ZNF185: variants seen among roughly 807,000 people sequenced by gnomAD.
ZNF185 encodes the protein zinc finger protein 185.
ZNF185 carries 56 observed loss-of-function variants against 58.6 expected under a neutral mutation model. That is an observed-to-expected ratio of 0.95 (90% confidence interval 0.77 to 1.19). The LOEUF (loss-of-function observed/expected upper bound fraction) is 1.19. Ranked by LOEUF, ZNF185 falls within the 50% of genes most tolerant of loss-of-function variation. The pLI is 0.00. For synonymous variants in ZNF185, 230 were observed against 215.9 expected (o/e 1.07, Z -0.57); for missense variants, 627 against 573.5 (o/e 1.09, Z -0.95).
chrX:152,900,226 C>G, the ZNF185 span, among the ~76,000 whole-genome samples: 1 of 112,347 alleles, frequency 8.9e-6, no homozygotes, highest in South Asian at 3.7e-4. Flanking sequence ...CAGGACCTGG[C>G]CACGATAGGC....
In ZNF185 at chrX:152,924,369, C is replaced by T. The variant is rs782109674; in HGVS notation, c.830+1560C>T. Among the ~76,000 whole-genome samples, 10 of 111,332 alleles carry T rather than the reference C, an allele frequency of 9.0e-5. 1 individual carries two copies. The South Asian group carries it at 3.8e-3, about 43-fold the overall frequency. Reference sequence around the variant, plus strand: ...CTCTAGGACTCAAATGATCCTCCTGCCTTAGCCTCCCAAAGTGCTGGGATT... The same window carrying T: ...CTCTAGGACTCAAATGATCCTCCTGTCTTAGCCTCCCAAAGTGCTGGGATT... On this transcript the variant is annotated intron_variant, in intron 11 of 22. Transcript: ENST00000449285.
At chrX:152,911,281 G>A (rs1258889318), upstream of ZNF185, among the ~76,000 whole-genome samples, 4 of 112,087 alleles carry the variant, frequency 3.6e-5, no homozygotes, top group Non-Finnish European at 7.5e-5. Flanking sequence ...ACTTGGCAGG[G>A]CTACCTTCCA....
At chrX:152,959,799 G>C in exon 17 of ZNF185, 2 of 1,211,934 alleles carry the variant, frequency 1.7e-6, no homozygotes, top group South Asian at 1.8e-5. Flanking sequence ...AGACCCAGCT[G>C]TACCCACTCA....
intron 21 of ZNF185, 148 bp from the exon 24 acceptor site, chrX:152,970,295 T>G (rs1416460403): frequency 1.5e-5 from 7 of 453,027 alleles, no homozygotes; most frequent in South Asian, 1.1e-4. Flanking sequence ...TTTGTATTAT[T>G]TTGTGATGTT....
intron 15 of ZNF185, among the ~76,000 whole-genome samples, chrX:152,938,381 C>T (rs1244251697): frequency 1.8e-5 from 2 of 112,433 alleles, no homozygotes; most frequent in African/African-American, 3.2e-5. Context: ...ACATCATAGT[C>T]AGAAAGGGTC....
the ZNF185 span, among the ~76,000 whole-genome samples, chrX:152,900,783 T>A: frequency 8.9e-6 from 1 of 112,188 alleles, no homozygotes; most frequent in African/African-American, 3.2e-5. Flanking sequence ...CTTCATAGCC[T>A]AGTGGTTAAG....
upstream of ZNF185, among the ~76,000 whole-genome samples, chrX:152,912,986 G>T (rs1556862744): frequency 8.9e-6 from 1 of 112,986 alleles, no homozygotes; most frequent in African/African-American, 3.2e-5. Flanking sequence ...CACACAGCAG[G>T]CTCGGGCTGT....
chrX:152,938,041 G>C, intron 14 of ZNF185, 33 bp from the exon 17 acceptor site: 1 of 1,158,577 alleles, frequency 8.6e-7, no homozygotes, highest in Non-Finnish European at 1.2e-6. Context: ...TCTTTGGTCT[G>C]AGATCTCAGC....
chrX:152,969,627 G>A (rs2050476565), intron 21 of ZNF185, 143 bp downstream of exon 23: 6 of 480,227 alleles, frequency 1.2e-5, no homozygotes, highest in East Asian at 3.7e-5. Flanking sequence ...GCACATAGTC[G>A]CAGAGGCTTT....
chrX:152,909,204 C>G, the ZNF185 span, among the ~76,000 whole-genome samples: 1 of 112,585 alleles, frequency 8.9e-6, no homozygotes, highest in South Asian at 3.6e-4. Flanking sequence ...GCCATGGTGG[C>G]CAGAGGGTTT....
chrX:152,917,192 C>T lies in ZNF185; in HGVS notation c.263+23C>T, dbSNP rs182662209. 13 of 1,209,944 alleles carry T rather than the reference C, an allele frequency of 1.1e-5. No individual in the cohort carries two copies. In the South Asian group the frequency reaches 1.2e-4, roughly 11 times the overall value. On this transcript the variant is annotated intron_variant, in intron 4 of 22. Coordinates refer to ENST00000449285, the Ensembl canonical transcript of ZNF185. ...CCGGTAAGTGACCGCAGGACTCTGC[C>T]GGCCTTCCTGTGCCCACTCACGCCA...
chrX:152,931,639 T>C, intron 12 of ZNF185, 33 bp from the exon 14 acceptor site: 1 of 1,156,164 alleles, frequency 8.6e-7, no homozygotes, highest in South Asian at 1.9e-5. Flanking sequence ...GAATGGCTGC[T>C]GCATGGTTAA....
intron 19 of ZNF185, among the ~76,000 whole-genome samples, chrX:152,966,732 T>G (rs1430874676): frequency 8.9e-6 from 1 of 111,832 alleles, no homozygotes; most frequent in Non-Finnish European, 1.9e-5. Context: ...GGAACACCTT[T>G]GTCTCCCCAA....
intron 16 of ZNF185, among the ~76,000 whole-genome samples, chrX:152,957,665 C>G (rs1603302314): frequency 8.9e-6 from 1 of 112,260 alleles, no homozygotes; most frequent in African/African-American, 3.2e-5. Flanking sequence ...TTTCAGGGAC[C>G]TGCAGCAAAG....
At chrX:152,959,093 G>T (rs782778729) in intron 16 of ZNF185, among the ~76,000 whole-genome samples, 1 of 112,797 alleles carries the variant, frequency 8.9e-6, no homozygotes, top group Non-Finnish European at 1.9e-5. Context: ...ATCACAAATG[G>T]GTCTAGGGTT....
At chrX:152,911,772 C>T (rs782415547), upstream of ZNF185, among the ~76,000 whole-genome samples, 43 of 69,645 alleles carry the variant, frequency 6.2e-4, no homozygotes, top group South Asian at 4.4e-3. Flanking sequence ...TCCCATCCAT[C>T]TCATCCCATC....
chrX:152,955,899 T>TAAA (rs77247991), intron 16 of ZNF185, among the ~76,000 whole-genome samples: 3 of 89,218 alleles, frequency 3.4e-5, no homozygotes, highest in African/African-American at 1.3e-4. Context: ...AGACTCCACC[T>TAAA]AAAAAAAAAA....
chrX:152,960,635 A>G (rs1410271436), intron 17 of ZNF185, among the ~76,000 whole-genome samples: 1 of 111,891 alleles, frequency 8.9e-6, no homozygotes, highest in Admixed American at 9.5e-5. Context: ...ATCCTAGGTG[A>G]CTTGTAGCAT....
At chrX:152,964,561 G>T (rs1301874025) in intron 18 of ZNF185, among the ~76,000 whole-genome samples, 3 of 111,951 alleles carry the variant, frequency 2.7e-5, no homozygotes, top group Non-Finnish European at 5.6e-5. Flanking sequence ...TTCACTAAGG[G>T]GATGGTGCTA....
Sources: gnomAD v4.1 joint callset for allele counts (sites outside exome capture counted in the v4.1 genomes callset) on GRCh38, gnomAD v4.1.1 for gene constraint, MANE v1.5 for transcripts, NCBI Gene and HGNC (gene_info 2026-07-23, HGNC 2026-07-21) for gene names.